Variants in VDR observed in about 807,000 individuals in gnomAD.
VDR encodes vitamin D3 receptor.
In VDR, 19 loss-of-function variants were observed where a neutral mutation model predicts 39.7. That is an observed-to-expected ratio of 0.48 (90% CI 0.33 to 0.70). The LOEUF (loss-of-function observed/expected upper bound fraction) is 0.70. Ranked by LOEUF, VDR falls within the 30% of genes least tolerant of loss-of-function variation. VDR has a pLI of 0.02. For synonymous variants in VDR, 242 were observed against 215.8 expected, an observed-to-expected ratio of 1.12 and a Z score of -1.07; for missense variants, 442 against 570.5, an observed-to-expected ratio of 0.77 and a Z score of 2.29.
At chr12:47,870,469 C>T (rs1345608008) in intron 3 of VDR, among the ~76,000 whole-genome samples, 1 of 151,992 alleles carries the variant, frequency 6.6e-6, no homozygotes, top group Non-Finnish European at 1.5e-5. Flanking sequence ...TACCCCAGCT[C>T]AGGAAGGGGG....
intron 6 of VDR, among the ~76,000 whole-genome samples, chr12:47,856,405 T>A (rs1945488133): frequency 1.3e-5 from 2 of 152,184 alleles, no homozygotes; most frequent in African/African-American, 4.8e-5. Flanking sequence ...TGGCTACAAG[T>A]ATACTGTTTT....
chr12:47,869,409 G>A (rs1397152818), intron 3 of VDR, among the ~76,000 whole-genome samples: 4 of 151,964 alleles, frequency 2.6e-5, no homozygotes, highest in Non-Finnish European at 2.9e-5. Flanking sequence ...GTTGGCGGGC[G>A]CCTGTAGTCC....
At chr12:47,853,016 T>A (rs913348489) in intron 7 of VDR, among the ~76,000 whole-genome samples, 4 of 152,238 alleles carry the variant, frequency 2.6e-5, no homozygotes, top group Non-Finnish European at 5.9e-5. Context: ...ATTGATTTAC[T>A]TCTCTTTCTC....
chr12:47,876,569 G>T (rs957943600), intron 3 of VDR, among the ~76,000 whole-genome samples: 1 of 152,230 alleles, frequency 6.6e-6, no homozygotes, highest in Non-Finnish European at 1.5e-5. Context: ...GCCAGCAACA[G>T]ACTCTAAGGG....
In VDR at chr12:47,844,954, A is replaced by G. The variant is rs1397733657; in HGVS notation, c.1076T>C (p.Leu359Pro). 1 of 1,613,984 alleles carries G rather than the reference A, an allele frequency of 6.2e-7. No individual in the cohort carries two copies. Among genetic ancestry groups the G allele is most frequent in the Admixed American group, 1.7e-5 (1 of 60,014 alleles). Residue 359 changes from leucine to proline, a missense_variant, in exon 10 of 10, where the codon CTG becomes CCG. Physicochemically the swap from Leu to Pro is moderately conservative, Grantham distance 98. Transcript: ENST00000549336. ...AALIEAIQDR[L>P]SNTLQTYIRC... The stretch of plus-strand genomic sequence containing the variant: ...GATGTACGTCTGCAGTGTGTTGGAC[A>G]GGCGGTCCTGGATGGCCTCAATCAG...
At chr12:47,882,629 C>CA in intron 2 of VDR, 65 bp downstream of exon 2, 1 of 373,216 alleles carries the variant, frequency 2.7e-6, no homozygotes, top group Non-Finnish European at 4.9e-6. Flanking sequence ...TTATGCCCCT[C>CA]CCCCCCACCC....
chr12:47,857,136 G>C lies in VDR; in HGVS notation c.576C>G (p.Thr192=). 6.2e-7 allele frequency: 1 copy of C among 1,614,170 alleles called. No homozygotes were observed. Among genetic ancestry groups the C allele is most frequent in the Non-Finnish European group, 8.5e-7 (1 of 1,180,016 alleles). The change falls in exon 6 of 10, where the codon ACC becomes ACG. Residue 192 remains threonine (T), a synonymous_variant. Coordinates refer to ENST00000549336, the MANE Select transcript of VDR (RefSeq NM_000376.3). ...SSSSCSDHCI[T]SSDMMDSSSF... is the part of the protein sequence containing the mutation. The stretch of plus-strand genomic sequence containing the variant: ...GACTGAAGTCCTGCTTACCTGAAGA[G>C]GTGATACAGTGATCTGAGCAGGAGG...
intron 3 of VDR, among the ~76,000 whole-genome samples, chr12:47,871,731 C>T (rs924253236): frequency 6.6e-6 from 1 of 152,184 alleles, no homozygotes; most frequent in South Asian, 2.1e-4. Flanking sequence ...TCCCAAAGTG[C>T]TGGGATTACA....
chr12:47,853,878 C>T (rs1348267523), intron 7 of VDR, among the ~76,000 whole-genome samples: 1 of 151,298 alleles, frequency 6.6e-6, no homozygotes, highest in African/African-American at 2.4e-5. Flanking sequence ...GCTGAGATCG[C>T]GCCATTGCAC....
At chr12:47,873,403 C>T (rs1421741501) in intron 3 of VDR, among the ~76,000 whole-genome samples, 2 of 134,720 alleles carry the variant, frequency 1.5e-5, no homozygotes, top group African/African-American at 5.4e-5. Context: ...CGCTGTCGCC[C>T]ACGCTGGAGT....
intron 4 of VDR, among the ~76,000 whole-genome samples, chr12:47,863,768 C>T (rs565618578): frequency 5.1e-4 from 78 of 152,256 alleles, no homozygotes; most frequent in Non-Finnish European, 9.1e-4. Flanking sequence ...GCTGGGGAGC[C>T]GTCAGATCAG....
At position 47,843,202 on chromosome 12, in the gene VDR, AG is replaced by A. The variant is rs1457219658; in HGVS notation, c.*1543del. 2 of 152,348 alleles carry A rather than the reference AG, an allele frequency of 1.3e-5. No individual in the cohort carries two copies. The highest frequency in any genetic ancestry group is 2.9e-5 in the Non-Finnish European group (2 of 68,032). 9.4% of individuals were successfully genotyped at this position (152,348 alleles called of 1,614,324 possible). A position where few individuals can be genotyped will look rare whatever the true frequency, so the allele number is the denominator to read the frequency against. ...GAAGAATTCTGAGAGACATGGGGCC[AG>A]GTGGACACCAAGGCTCTTGCAGTGT... On this transcript the variant is annotated 3_prime_UTR_variant, in exon 10 of 10. Coordinates refer to ENST00000549336, the MANE Select transcript of VDR (RefSeq NM_000376.3).
intron 1 of VDR, among the ~76,000 whole-genome samples, chr12:47,897,248 A>G (rs1160703803): frequency 6.6e-6 from 1 of 152,228 alleles, no homozygotes; most frequent in African/African-American, 2.4e-5. Context: ...AGCACTGAAC[A>G]TAGTACCTGG....
rs12315764 is a variant in VDR at position 47,882,935 on chromosome 12, C to T, written c.-83-161G>A. 183 of 570,506 alleles carry T rather than the reference C, an allele frequency of 3.2e-4. 2 individuals carry two copies. The highest frequency in any genetic ancestry group is 3.2e-3 in the African/African-American group (164 of 51,326). 35.3% of individuals were successfully genotyped at this position (570,506 alleles called of 1,614,324 possible). ...GTTGGGAGCAGGCATGCCATGTCATCGCTGGCAGGGGTGTGGGGGTGGCGG... is the reference window on the plus strand; with the variant it reads ...GTTGGGAGCAGGCATGCCATGTCATTGCTGGCAGGGGTGTGGGGGTGGCGG... On this transcript the variant is annotated intron_variant, in intron 1 of 9. Transcript: ENST00000549336.
intron 3 of VDR, among the ~76,000 whole-genome samples, chr12:47,867,518 G>T (rs990578399): frequency 2.0e-5 from 3 of 152,184 alleles, no homozygotes; most frequent in African/African-American, 7.2e-5. Flanking sequence ...TTGGGAGGCT[G>T]CATAAAGGAC....
At chr12:47,904,175 C>T (rs1408728689) in intron 1 of VDR, among the ~76,000 whole-genome samples, 4 of 151,848 alleles carry the variant, frequency 2.6e-5, no homozygotes, top group Admixed American at 1.3e-4. Flanking sequence ...CCTAAGGCTC[C>T]CCCAGCCCAG....
At chr12:47,904,584 A>G (rs1263092477) in intron 1 of VDR, 1 of 1,535,540 alleles carries the variant, frequency 6.5e-7, no homozygotes, top group East Asian at 2.4e-5. Context: ...AGCAGTTCTG[A>G]GCACCATCGA....
At chr12:47,862,675 T>C (rs556390492) in intron 4 of VDR, among the ~76,000 whole-genome samples, 1 of 152,248 alleles carries the variant, frequency 6.6e-6, no homozygotes, top group Non-Finnish European at 1.5e-5. Context: ...TTTAGCTTTC[T>C]TCCTGTGGTT....
intron 7 of VDR, among the ~76,000 whole-genome samples, chr12:47,851,028 G>A (rs1310602546): frequency 6.6e-6 from 1 of 152,202 alleles, no homozygotes; most frequent in Non-Finnish European, 1.5e-5. Context: ...GTTTATGTAA[G>A]AAAGCTATTT....
Sources: gnomAD v4.1 joint callset for allele counts (sites outside exome capture counted in the v4.1 genomes callset) on GRCh38, gnomAD v4.1.1 for gene constraint, MANE v1.5 for transcripts, NCBI Gene and HGNC (gene_info 2026-07-23, HGNC 2026-07-21) for gene names.